The following FRK variants were observed in gnomAD, a reference collection of about 807,000 sequenced individuals.
The protein encoded by FRK is tyrosine-protein kinase FRK.
In FRK, 51 loss-of-function variants were observed where a neutral mutation model predicts 56.4. That is an observed-to-expected ratio of 0.90 (90% CI 0.72 to 1.14). FRK has a LOEUF of 1.14. Among genes scored for constraint, FRK ranks in the 50% most tolerant of loss-of-function variants. FRK has a pLI of 0.00. For synonymous variants in FRK, 245 were observed against 217.9 expected (o/e 1.12, Z -1.10); for missense variants, 570 against 601.4 (o/e 0.95, Z 0.55).
chr6:116,032,262 A>T (rs1442361358), intron 1 of FRK, among the ~76,000 whole-genome samples: 2 of 152,114 alleles, frequency 1.3e-5, no homozygotes, highest in African/African-American at 4.8e-5. Context: ...AAAAAAACAT[A>T]ATAAAAGTCA....
chr6:115,943,217 A>T lies in FRK; in HGVS notation c.1141-32T>A, dbSNP rs753213606. ...ATGTATTAAGGAATCAGGCCGAGTT[A>T]AAGCAATTTTTTTTTTTTTGCTAAC... On this transcript the variant is annotated intron_variant, in intron 6 of 7. Coordinates refer to ENST00000606080, the MANE Select transcript of FRK (RefSeq NM_002031.3). 2.4e-5 allele frequency: 36 copies of T among 1,514,838 alleles called. 1 individual carries two copies. The South Asian group carries it at 4.5e-4, about 19-fold the overall frequency. The allele number at this position is 1,514,838 out of a possible 1,614,324, so 93.8% of individuals were successfully genotyped here.
At chr6:116,011,796 G>C (rs1775482499) in intron 1 of FRK, among the ~76,000 whole-genome samples, 2 of 152,058 alleles carry the variant, frequency 1.3e-5, no homozygotes, top group African/African-American at 4.8e-5. Context: ...TTATGGTTCG[G>C]TATGACTCAC....
chr6:115,967,866 A>G (rs1414756116), intron 3 of FRK, 147 bp from the exon 4 acceptor site: 2 of 623,378 alleles, frequency 3.2e-6, no homozygotes, highest in Non-Finnish European at 5.2e-6. Flanking sequence ...TCAAAAACAA[A>G]AAGTATGGTG....
chr6:116,009,999 G>C (rs1465874485), intron 1 of FRK, among the ~76,000 whole-genome samples: 25 of 152,238 alleles, frequency 1.6e-4, no homozygotes, highest in Admixed American at 1.6e-3. Context: ...AGGCCGAGGT[G>C]GGTGGATCAC....
At chr6:115,998,351 C>A (rs972558473) in intron 2 of FRK, among the ~76,000 whole-genome samples, 5 of 152,168 alleles carry the variant, frequency 3.3e-5, no homozygotes, top group Non-Finnish European at 5.9e-5. Flanking sequence ...CTCTGTAGAA[C>A]AAGGTCCAAA....
intron 4 of FRK, 129 bp from the exon 5 acceptor site, chr6:115,956,739 T>C: frequency 3.1e-6 from 2 of 652,618 alleles, no homozygotes; most frequent in Admixed American, 7.0e-5. Flanking sequence ...TCACAAATCT[T>C]CAGAGTTATC....
At chr6:116,022,017 AAATT>A in intron 1 of FRK, among the ~76,000 whole-genome samples, 1 of 152,142 alleles carries the variant, frequency 6.6e-6, no homozygotes, top group Non-Finnish European at 1.5e-5. Context: ...CACATATATT[AAATT>A]AATAAAAAAA....
the FRK span, among the ~76,000 whole-genome samples, chr6:116,092,118 A>G: frequency 6.6e-6 from 1 of 152,186 alleles, no homozygotes; most frequent in African/African-American, 2.4e-5. Context: ...TATAAACTTC[A>G]GGACTCTGTT....
chr6:116,010,268 T>C (rs1775414760), intron 1 of FRK, among the ~76,000 whole-genome samples: 1 of 151,986 alleles, frequency 6.6e-6, no homozygotes, highest in South Asian at 2.1e-4. Flanking sequence ...TTCCTGGAGA[T>C]TAGTGAGAGA....
chr6:116,024,556 A>G (rs1776012269), intron 1 of FRK, among the ~76,000 whole-genome samples: 1 of 151,912 alleles, frequency 6.6e-6, no homozygotes, highest in Non-Finnish European at 1.5e-5. Flanking sequence ...GAGAATGATG[A>G]TTTCCAACTT....
chr6:116,089,573 T>C, the FRK span, among the ~76,000 whole-genome samples: 5 of 152,208 alleles, frequency 3.3e-5, no homozygotes, highest in African/African-American at 1.2e-4. Context: ...TGTTTTGTCT[T>C]GTAGACGGCT....
intron 5 of FRK, 52 bp from the exon 6 acceptor site, chr6:115,944,477 T>C: frequency 7.0e-7 from 1 of 1,426,690 alleles, no homozygotes; most frequent in Non-Finnish European, 9.5e-7. Flanking sequence ...ATTTGAACTA[T>C]GAAAGTGAAT....
At chr6:116,001,493 C>T (rs80345252) in intron 2 of FRK, among the ~76,000 whole-genome samples, 10,535 of 152,148 alleles carry the variant, frequency 0.069, 527 homozygotes, top group Non-Finnish European at 0.11. Flanking sequence ...TGATAGAGGT[C>T]ACACACATAC....
intron 1 of FRK, among the ~76,000 whole-genome samples, chr6:116,059,540 C>T (rs1164395331): frequency 6.6e-6 from 1 of 151,954 alleles, no homozygotes; most frequent in African/African-American, 2.4e-5. Context: ...TGATATATTA[C>T]CCTGGAATGT....
intron 1 of FRK, 104 bp downstream of exon 1, chr6:116,059,864 A>T: frequency 1.0e-6 from 1 of 968,476 alleles, no homozygotes; most frequent in Non-Finnish European, 1.6e-6. Context: ...CATACTTTTT[A>T]GGCAACTCTT....
chr6:115,960,288 G>A (rs1442868060), intron 4 of FRK, among the ~76,000 whole-genome samples: 11 of 150,982 alleles, frequency 7.3e-5, no homozygotes, highest in African/African-American at 2.4e-4. Flanking sequence ...GGTGACGGAC[G>A]CACCTGGAAA....
chr6:115,940,579 A>C lies in FRK; in HGVS notation c.*1835T>G, dbSNP rs1302370861. ...GGGAGAAAATTTTTGCAAGCTATCCATCTGACAAAGGGCTAATACCAAGAA... is the reference window on the plus strand; with the variant it reads ...GGGAGAAAATTTTTGCAAGCTATCCCTCTGACAAAGGGCTAATACCAAGAA... On this transcript the variant is annotated 3_prime_UTR_variant, in exon 8 of 8. Coordinates refer to ENST00000606080, the MANE Select transcript of FRK (RefSeq NM_002031.3). The C allele has an allele frequency of 6.6e-6, 1 of 152,228 alleles. No homozygotes were observed. Among genetic ancestry groups the C allele is most frequent in the East Asian group, 1.9e-4 (1 of 5,202 alleles). 9.4% of individuals were successfully genotyped at this position (152,228 alleles called of 1,614,324 possible).
At chr6:116,055,201 T>C (rs540088838) in intron 1 of FRK, among the ~76,000 whole-genome samples, 1 of 152,280 alleles carries the variant, frequency 6.6e-6, no homozygotes, top group South Asian at 2.1e-4. Context: ...AGATAAAATC[T>C]TCAAAGAACT....
In FRK at chr6:115,985,693, G is replaced by C. The variant is rs554631006; in HGVS notation, c.467-16954C>G. ...ATGCTAAAACATGTAGAAATGTTCA[G>C]GACAGTGTCTAGCACAAGGGAAGCA... is the stretch of plus-strand genomic sequence containing the variant. On this transcript the variant is annotated intron_variant, in intron 2 of 7. Transcript: ENST00000606080. Among the ~76,000 whole-genome samples, 6 of 152,054 alleles carry C rather than the reference G, an allele frequency of 3.9e-5. No individual in the cohort carries two copies. In the East Asian group the frequency reaches 9.7e-4, roughly 25 times the overall value.
Sources: allele counts gnomAD v4.1 joint callset (sites outside exome capture counted in the v4.1 genomes callset), GRCh38; gene constraint gnomAD v4.1.1; transcripts MANE v1.5; gene names NCBI Gene and HGNC (gene_info 2026-07-23, HGNC 2026-07-21).